TTC29: variants seen among roughly 807,000 people sequenced by gnomAD.
TTC29 encodes tetratricopeptide repeat protein 29.
A neutral mutation model predicts 58.1 loss-of-function variants in TTC29; 49 were observed. That is an observed-to-expected ratio of 0.84 (90% CI 0.67 to 1.07). The LOEUF (loss-of-function observed/expected upper bound fraction) is 1.07. TTC29 is among the 50% of genes least tolerant of loss of function. The pLI, the probability that TTC29 is intolerant of heterozygous loss-of-function variation, is 0.00. For synonymous variants in TTC29, 209 were observed against 196.8 expected, an observed-to-expected ratio of 1.06 and a Z score of -0.52; for missense variants, 582 against 555.6, an observed-to-expected ratio of 1.05 and a Z score of -0.48.
At chr4:146,913,988 C>T (rs1249828936) in intron 4 of TTC29, among the ~76,000 whole-genome samples, 1 of 152,114 alleles carries the variant, frequency 6.6e-6, no homozygotes, top group Non-Finnish European at 1.5e-5. Flanking sequence ...ATGCTGGTAT[C>T]ATCTCTATTT....
chr4:146,820,021 A>G, intron 10 of TTC29, 104 bp downstream of exon 10: 1 of 1,461,876 alleles, frequency 6.8e-7, no homozygotes, highest in Non-Finnish European at 9.4e-7. Flanking sequence ...TCTGCATAAT[A>G]TATTGTGGGA....
intron 11 of TTC29, among the ~76,000 whole-genome samples, chr4:146,742,572 A>G (rs1745232933): frequency 8.8e-6 from 1 of 113,114 alleles, no homozygotes; most frequent in Non-Finnish European, 1.9e-5. Flanking sequence ...CCTCTCCCTC[A>G]CCCACTTCCT....
intron 6 of TTC29, among the ~76,000 whole-genome samples, chr4:146,875,670 C>A (rs921585541): frequency 2.6e-5 from 4 of 152,062 alleles, no homozygotes; most frequent in Admixed American, 2.6e-4. Flanking sequence ...AACATTATGG[C>A]GCCTTAAACT....
At chr4:146,714,200 G>T (rs766290533) in intron 11 of TTC29, among the ~76,000 whole-genome samples, 2 of 152,072 alleles carry the variant, frequency 1.3e-5, no homozygotes, top group Non-Finnish European at 2.9e-5. Flanking sequence ...GCACAATGTG[G>T]AGAAAAAGCA....
intron 10 of TTC29, among the ~76,000 whole-genome samples, chr4:146,818,046 C>A (rs1306936860): frequency 2.0e-5 from 3 of 152,084 alleles, no homozygotes; most frequent in African/African-American, 7.2e-5. Context: ...GTCTAAAACA[C>A]CGAAAGCAAT....
chr4:146,900,870 A>G (rs964318159), intron 6 of TTC29, among the ~76,000 whole-genome samples: 17 of 152,216 alleles, frequency 1.1e-4, no homozygotes, highest in African/African-American at 4.1e-4. Flanking sequence ...TTTAAAAATC[A>G]AACAAAATTT....
intron 11 of TTC29, among the ~76,000 whole-genome samples, chr4:146,727,951 T>G (rs1290542575): frequency 3.3e-5 from 5 of 152,170 alleles, no homozygotes; most frequent in Admixed American, 3.3e-4. Flanking sequence ...AATTCTCTTT[T>G]AGTACATACG....
intron 11 of TTC29, among the ~76,000 whole-genome samples, chr4:146,713,352 C>T (rs551724294): frequency 6.6e-6 from 1 of 151,938 alleles, no homozygotes; most frequent in Admixed American, 6.6e-5. Context: ...TCATGGCTTT[C>T]TCATCTTACA....
intron 9 of TTC29, among the ~76,000 whole-genome samples, chr4:146,828,282 G>C (rs1190456251): frequency 1.3e-5 from 2 of 152,058 alleles, no homozygotes; most frequent in African/African-American, 4.8e-5. Context: ...AAAAGTTATT[G>C]AGAGAACTTG....
At chr4:146,907,067 A>C (rs1733568009) in intron 5 of TTC29, among the ~76,000 whole-genome samples, 1 of 152,248 alleles carries the variant, frequency 6.6e-6, no homozygotes, top group African/African-American at 2.4e-5. Context: ...GGTTGCAGTG[A>C]GCTGAGATCA....
At chr4:146,872,238 A>G (rs1366025624) in intron 7 of TTC29, among the ~76,000 whole-genome samples, 1 of 152,082 alleles carries the variant, frequency 6.6e-6, no homozygotes, top group African/African-American at 2.4e-5. Context: ...ACATGTGCAC[A>G]CACACACACA....
intron 11 of TTC29, among the ~76,000 whole-genome samples, chr4:146,758,876 A>C (rs567076005): frequency 6.6e-6 from 1 of 152,262 alleles, no homozygotes; most frequent in African/African-American, 2.4e-5. Context: ...CTAAACACCT[A>C]CATCAAAAAG....
chr4:146,928,926 T>G (rs1328622706), intron 4 of TTC29, among the ~76,000 whole-genome samples: 1 of 152,182 alleles, frequency 6.6e-6, no homozygotes, highest in East Asian at 1.9e-4. Flanking sequence ...TTAGGCTTTT[T>G]GGAAATTATT....
chr4:146,713,397 T>C (rs1742672168), intron 11 of TTC29, among the ~76,000 whole-genome samples: 2 of 152,116 alleles, frequency 1.3e-5, no homozygotes, highest in African/African-American at 4.8e-5. Context: ...AAGCCTGAGA[T>C]TATAGAGTTA....
intron 11 of TTC29, among the ~76,000 whole-genome samples, chr4:146,784,005 C>T (rs1052795803): frequency 7.3e-5 from 11 of 151,200 alleles, no homozygotes; most frequent in Admixed American, 4.6e-4. Context: ...GAAATCGATT[C>T]TTGTGAATTA....
chr4:146,776,587 G>A (rs1748113437), intron 11 of TTC29, among the ~76,000 whole-genome samples: 1 of 152,150 alleles, frequency 6.6e-6, no homozygotes, highest in Non-Finnish European at 1.5e-5. Context: ...TCCAACTATG[G>A]AGGGCCAGTA....
intron 4 of TTC29, among the ~76,000 whole-genome samples, chr4:146,920,333 C>T (rs566833521): frequency 6.6e-6 from 1 of 150,940 alleles, no homozygotes; most frequent in African/African-American, 2.4e-5. Flanking sequence ...TCTAATGTTG[C>T]CCCCTCTAAA....
At chr4:146,945,550 T>C (rs1736855206) in intron 1 of TTC29, 159 bp downstream of exon 1, 2 of 152,434 alleles carry the variant, frequency 1.3e-5, no homozygotes, top group Non-Finnish European at 1.5e-5. Context: ...AATTCGTTTA[T>C]TGAGGTAAGT....
intron 8 of TTC29, among the ~76,000 whole-genome samples, chr4:146,848,213 C>T (rs1229470658): frequency 6.6e-6 from 1 of 152,182 alleles, no homozygotes; most frequent in African/African-American, 2.4e-5. Flanking sequence ...CTTTCTTCAC[C>T]TCAGCCTATG....
Sources: allele counts gnomAD v4.1 joint callset (sites outside exome capture counted in the v4.1 genomes callset), GRCh38; gene constraint gnomAD v4.1.1; transcripts MANE v1.5; gene names NCBI Gene and HGNC (gene_info 2026-07-23, HGNC 2026-07-21).